The following DOCK4 variants were observed in gnomAD, a reference collection of about 807,000 sequenced individuals.
DOCK4 encodes the protein dedicator of cytokinesis protein 4.
Under a neutral mutation model 268.1 loss-of-function variants are expected in DOCK4, and 97 were observed. The observed-to-expected ratio is 0.36, with a 90% confidence interval of 0.31 to 0.43. DOCK4 has a LOEUF of 0.43. DOCK4 is among the 20% of genes least tolerant of loss of function. The pLI is 1.00. For synonymous variants in DOCK4, 954 were observed against 887.2 expected (o/e 1.08, Z -1.34); for missense variants, 2,145 against 2,455.7 (o/e 0.87, Z 2.67).
intron 11 of DOCK4, among the ~76,000 whole-genome samples, chr7:111,938,052 G>C (rs1226958170): frequency 6.6e-6 from 1 of 152,140 alleles, no homozygotes; most frequent in Non-Finnish European, 1.5e-5. Flanking sequence ...GGAAAGAAGG[G>C]TATCATGGAT....
At chr7:112,171,749 A>C (rs1160382753) in intron 1 of DOCK4, among the ~76,000 whole-genome samples, 1 of 152,218 alleles carries the variant, frequency 6.6e-6, no homozygotes, top group East Asian at 1.9e-4. Flanking sequence ...ATTTCAAACA[A>C]TTCTTCTAGC....
chr7:111,747,549 C>T, intron 42 of DOCK4, 106 bp from the exon 43 acceptor site: 1 of 1,114,352 alleles, frequency 9.0e-7, no homozygotes, highest in Non-Finnish European at 1.2e-6. Flanking sequence ...CCTTGGCTTC[C>T]ATCAATATCT....
intron 2 of DOCK4, among the ~76,000 whole-genome samples, chr7:112,002,646 A>T (rs1800520372): frequency 6.6e-6 from 1 of 152,206 alleles, no homozygotes; most frequent in Non-Finnish European, 1.5e-5. Flanking sequence ...GATATGATAA[A>T]AATATCATCA....
rs547492786 is a variant in DOCK4, at chr7:112,206,237, G to A, written c.-99C>T. The stretch of plus-strand genomic sequence containing the variant: ...CCCCGAGCAGCGCTGCAGTGCCGGA[G>A]CCCAGCGGCTTCGCGCGGGCTGCGG... On this transcript the variant is annotated 5_prime_UTR_variant, in exon 1 of 53. Transcript: ENST00000428084. 12 of 1,367,932 alleles carry A rather than the reference G, an allele frequency of 8.8e-6. No individual in the cohort carries two copies. Among genetic ancestry groups the A allele is most frequent in the Middle Eastern group, 1.8e-4 (1 of 5,540 alleles). 84.7% of individuals were successfully genotyped at this position (1,367,932 alleles called of 1,614,324 possible). A position where few individuals can be genotyped will look rare whatever the true frequency, so the allele number is the denominator to read the frequency against.
At chr7:112,099,437 A>C (rs6961538) in intron 1 of DOCK4, among the ~76,000 whole-genome samples, 2 of 152,142 alleles carry the variant, frequency 1.3e-5, no homozygotes, top group African/African-American at 4.8e-5. Flanking sequence ...AACAGAAAAA[A>C]GTTTACCGCA....
chr7:111,863,597 C>A, intron 22 of DOCK4, 33 bp from the exon 23 acceptor site: 1 of 1,544,866 alleles, frequency 6.5e-7, no homozygotes, highest in South Asian at 1.2e-5. Flanking sequence ...AATCAACTCC[C>A]AGATACGCCA....
intron 8 of DOCK4, among the ~76,000 whole-genome samples, chr7:111,970,929 G>A (rs1052299939): frequency 6.6e-5 from 10 of 152,130 alleles, no homozygotes; most frequent in Admixed American, 5.9e-4. Flanking sequence ...TTCAGTAATT[G>A]TTTAGAAACA....
At chr7:111,838,363 A>G (rs1383948363) in intron 25 of DOCK4, among the ~76,000 whole-genome samples, 1 of 152,174 alleles carries the variant, frequency 6.6e-6, no homozygotes, top group Admixed American at 6.6e-5. Flanking sequence ...AAACAGAAAA[A>G]CAGGTAAATG....
intron 47 of DOCK4, chr7:111,740,210 C>T (rs1283934507): frequency 3.0e-6 from 1 of 328,102 alleles, no homozygotes; most frequent in African/African-American, 2.3e-5. Flanking sequence ...AGCGATTCTC[C>T]TGCCTCAGCC....
chr7:112,067,188 G>T (rs116131868), intron 1 of DOCK4, among the ~76,000 whole-genome samples: 6 of 135,412 alleles, frequency 4.4e-5, no homozygotes, highest in African/African-American at 1.4e-4. Flanking sequence ...ACCCAAAAAA[G>T]TTACACAATA....
intron 1 of DOCK4, among the ~76,000 whole-genome samples, chr7:112,075,483 T>A (rs1404805257): frequency 6.6e-6 from 1 of 152,212 alleles, no homozygotes; most frequent in Non-Finnish European, 1.5e-5. Flanking sequence ...CGTAACACTA[T>A]GACAAAGTCT....
chr7:112,123,227 C>G (rs192534373), intron 1 of DOCK4, among the ~76,000 whole-genome samples: 1 of 152,150 alleles, frequency 6.6e-6, no homozygotes, highest in African/African-American at 2.4e-5. Context: ...GAGAAGATCT[C>G]CTTGGTGGGT....
At chr7:112,030,805 T>C (rs1190218636) in intron 1 of DOCK4, among the ~76,000 whole-genome samples, 1 of 152,156 alleles carries the variant, frequency 6.6e-6, no homozygotes, top group Admixed American at 6.6e-5. Context: ...ATAGGCTAAG[T>C]CAGCTCCTCA....
At chr7:112,110,772 T>C (rs1158778449) in intron 1 of DOCK4, among the ~76,000 whole-genome samples, 4 of 152,124 alleles carry the variant, frequency 2.6e-5, no homozygotes, top group Non-Finnish European at 5.9e-5. Flanking sequence ...ACACTTCCAG[T>C]ATAGACACAG....
chr7:111,769,789 G>A lies in DOCK4; in HGVS notation c.3680-112C>T, dbSNP rs150474435. 108 of 1,291,294 alleles carry A rather than the reference G, an allele frequency of 8.4e-5. No homozygotes were observed. In the East Asian group the frequency reaches 2.0e-3, roughly 24 times the overall value. 80.0% of individuals were successfully genotyped at this position (1,291,294 alleles called of 1,614,324 possible). On this transcript the variant is annotated intron_variant, in intron 36 of 52. Transcript: ENST00000428084. ...AAAAAAATACTATTTTCTAAATTTC[G>A]TGATATAGCAGAAAAATATCCAGAA...
At chr7:111,779,077 A>T (rs922156210) in intron 35 of DOCK4, among the ~76,000 whole-genome samples, 1 of 120,318 alleles carries the variant, frequency 8.3e-6, no homozygotes, top group Non-Finnish European at 1.6e-5. Context: ...AAAAATCTCT[A>T]AAAAAAAAAA....
At chr7:111,756,571 G>A (rs1016628949) in intron 41 of DOCK4, among the ~76,000 whole-genome samples, 4 of 151,916 alleles carry the variant, frequency 2.6e-5, no homozygotes, top group African/African-American at 4.8e-5. Context: ...TGGCCGGGAC[G>A]AGCAACCCCA....
chr7:112,002,225 T>TAG (rs1800483905), intron 2 of DOCK4, among the ~76,000 whole-genome samples: 1 of 152,156 alleles, frequency 6.6e-6, no homozygotes, highest in Non-Finnish European at 1.5e-5. Flanking sequence ...TCAGAATCTC[T>TAG]ATATCTCAGG....
chr7:112,060,591 G>A (rs1586739875), intron 1 of DOCK4, among the ~76,000 whole-genome samples: 1 of 152,196 alleles, frequency 6.6e-6, no homozygotes, highest in South Asian at 2.1e-4. Flanking sequence ...ACAGATGGCT[G>A]GATAAGCAAA....
Sources: allele counts gnomAD v4.1 joint callset (sites outside exome capture counted in the v4.1 genomes callset), GRCh38; gene constraint gnomAD v4.1.1; transcripts MANE v1.5; gene names NCBI Gene and HGNC (gene_info 2026-07-23, HGNC 2026-07-21).